Variants in L3MBTL1 observed in about 807,000 individuals in gnomAD.
L3MBTL1 encodes the protein L3MBTL histone methyl-lysine binding protein 1, also known as lethal(3)malignant brain tumor-like protein 1.
In L3MBTL1, 75 loss-of-function variants were observed where a neutral mutation model predicts 105.3. That is an observed-to-expected ratio of 0.71 (90% CI 0.59 to 0.86). The LOEUF is 0.86. Among genes scored for constraint, L3MBTL1 ranks in the 40% least tolerant of loss-of-function variants. L3MBTL1 has a pLI of 0.00. For synonymous variants in L3MBTL1, 452 were observed against 436.2 expected (o/e 1.04, Z -0.45); for missense variants, 1,069 against 1,126.4 (o/e 0.95, Z 0.73).
intron 1 of L3MBTL1, among the ~76,000 whole-genome samples, chr20:43,511,665 C>A (rs1397563598): frequency 6.6e-6 from 1 of 151,728 alleles, no homozygotes; most frequent in African/African-American, 2.4e-5. Context: ...CCTGTAATCC[C>A]ACCTAGTCAG....
intron 7 of L3MBTL1, among the ~76,000 whole-genome samples, chr20:43,526,926 G>A (rs906484941): frequency 2.0e-5 from 3 of 152,178 alleles, no homozygotes; most frequent in Non-Finnish European, 2.9e-5. Flanking sequence ...CAGCCTGGGC[G>A]ACAGAGTGAG....
Position 43,540,249 on chromosome 20 carries a change from C to T in L3MBTL1, c.2272C>T (p.Leu758Phe). 1.2e-6 allele frequency: 2 copies of T among 1,613,864 alleles called. No individual in the cohort carries two copies. The highest frequency in any genetic ancestry group is 1.7e-6 in the Non-Finnish European group (2 of 1,180,038). Residue 758 changes from leucine to phenylalanine, a missense_variant, in exon 20 of 22, where the codon CTC (leucine) becomes TTC (phenylalanine). Leu to Phe is a conservative substitution (Grantham distance 22). Transcript: ENST00000418998. ...AGTGTGCTGGGAGCAGCACTGCAAG[C>T]TCCTGCCAGGAGTAGCGGGCATCTC... Reference protein sequence around the residue: ...LSVCWEQHCKLLPGVAGISAS... With the variant: ...LSVCWEQHCKFLPGVAGISAS...
At chr20:43,517,998 A>T (rs1436892468) in intron 7 of L3MBTL1, among the ~76,000 whole-genome samples, 1 of 152,180 alleles carries the variant, frequency 6.6e-6, no homozygotes, top group Non-Finnish European at 1.5e-5. Flanking sequence ...GCAGTGTCTT[A>T]ACTCCTGTGG....
At chr20:43,515,265 C>T (rs757216190) in intron 5 of L3MBTL1, 27 bp from the exon 6 acceptor site, 1 of 1,611,204 alleles carries the variant, frequency 6.2e-7, no homozygotes, top group Non-Finnish European at 8.5e-7. Context: ...GCGGGTGGTT[C>T]TTTCCCTAAG....
In L3MBTL1 at chr20:43,534,955, A is replaced by G. The variant is rs2019531418; in HGVS notation, c.1825+13A>G. ...CAGCCTCCTCTCGGTGTGTACCCCT[A>G]GGGCACTCTGATCTTTTCCTTTCCC... On this transcript the variant is annotated intron_variant, in intron 16 of 21. Coordinates refer to ENST00000418998, the MANE Select transcript of L3MBTL1 (RefSeq NM_001377303.1). 1.3e-6 allele frequency: 2 copies of G among 1,552,184 alleles called. No individual in the cohort carries two copies. The highest frequency in any genetic ancestry group is 1.7e-6 in the Non-Finnish European group (2 of 1,143,298).
intron 4 of L3MBTL1, 107 bp from the exon 5 acceptor site, chr20:43,514,902 C>T (rs1342523640): frequency 6.8e-7 from 1 of 1,471,322 alleles, no homozygotes; most frequent in Admixed American, 2.1e-5. Context: ...GGAGGCCATC[C>T]GATGCGGAGA....
At chr20:43,530,208 G>A in intron 9 of L3MBTL1, 76 bp from the exon 10 acceptor site, 8 of 1,589,094 alleles carry the variant, frequency 5.0e-6, no homozygotes, top group Non-Finnish European at 6.9e-6. Flanking sequence ...CACCAGACTG[G>A]GCCAGGAGAG....
downstream of L3MBTL1, chr20:43,541,904 T>C (rs1402924481): frequency 3.0e-6 from 3 of 985,354 alleles, no homozygotes; most frequent in African/African-American, 5.2e-5. Context: ...TAGTGCATAG[T>C]TGTCCTTAAG....
intron 16 of L3MBTL1, 43 bp from the exon 17 acceptor site, chr20:43,535,794 C>A (rs914247293): frequency 1.5e-6 from 2 of 1,334,200 alleles, no homozygotes; most frequent in Non-Finnish European, 2.1e-6. Flanking sequence ...ACACTCCCCA[C>A]CCCCAGGACT....
rs112629462 is a variant in L3MBTL1 at position 43,548,272 on chromosome 20, G to T, written c.*27G>T. On this transcript the variant is annotated 3_prime_UTR_variant, in exon 19 of 19. Transcript: ENST00000422861. ...TGGCCCAGGGCTGGGCCCTCCTGCA[G>T]CCCCTGCTTGGCCTCCCTCTCCAGC... 596 of 1,299,512 alleles carry T rather than the reference G, an allele frequency of 4.6e-4. 1 individual carries two copies. The African/African-American group carries it at 8.4e-3, about 18-fold the overall frequency. The allele number at this position is 1,299,512 out of a possible 1,614,324, so 80.5% of individuals were successfully genotyped here. A position where few individuals can be genotyped will look rare whatever the true frequency, so the allele number is the denominator to read the frequency against.
downstream of L3MBTL1, among the ~76,000 whole-genome samples, chr20:43,544,292 C>G (rs143316638): frequency 5.3e-5 from 8 of 152,326 alleles, no homozygotes; most frequent in East Asian, 1.5e-3. Context: ...GTGTGGCTCT[C>G]TCAAGATCTA....
intron 7 of L3MBTL1, among the ~76,000 whole-genome samples, chr20:43,516,526 T>C (rs1600899231): frequency 6.6e-6 from 1 of 152,158 alleles, no homozygotes; most frequent in South Asian, 2.1e-4. Context: ...CCTGCACTGG[T>C]CATTGGTCTA....
At chr20:43,511,405 T>C (rs574290182) in intron 1 of L3MBTL1, among the ~76,000 whole-genome samples, 28 of 152,252 alleles carry the variant, frequency 1.8e-4, no homozygotes, top group African/African-American at 5.8e-4. Flanking sequence ...TTGATTATAA[T>C]GAAGGATGAG....
At chr20:43,545,008 G>A (rs1402150819), downstream of L3MBTL1, among the ~76,000 whole-genome samples, 1 of 151,968 alleles carries the variant, frequency 6.6e-6, no homozygotes, top group African/African-American at 2.4e-5. Flanking sequence ...ACTCCTGTAA[G>A]AATCCATGCT....
rs566569970 is a variant in L3MBTL1, at chr20:43,518,775, G to A, written c.862+2598G>A. Reference sequence around the variant, plus strand: ...TGTAATCCTAGCACTTTGGGAGGCCGAGGCAGGCGGATCATGAGGTAGGAG... The same window carrying A: ...TGTAATCCTAGCACTTTGGGAGGCCAAGGCAGGCGGATCATGAGGTAGGAG... On this transcript the variant is annotated intron_variant, in intron 7 of 21. Coordinates refer to ENST00000418998, the MANE Select transcript of L3MBTL1 (RefSeq NM_001377303.1). 3.4e-5 allele frequency among the ~76,000 whole-genome samples: 5 copies of A among 147,740 alleles called. No homozygotes were observed. In the South Asian group the frequency reaches 6.4e-4, roughly 19 times the overall value.
exon 19 of L3MBTL1, chr20:43,548,224 C>T (rs201002844): frequency 6.2e-5 from 81 of 1,304,136 alleles, no homozygotes; most frequent in Middle Eastern, 2.1e-4. Context: ...TGTTCAAAAA[C>T]GCTGATGACA....
At chr20:43,543,969 C>T (rs2145502906), downstream of L3MBTL1, among the ~76,000 whole-genome samples, 1 of 152,314 alleles carries the variant, frequency 6.6e-6, no homozygotes, top group South Asian at 2.1e-4. Context: ...GAACAGGTCC[C>T]TGCTCTTAAG....
intron 19 of L3MBTL1, chr20:43,539,197 A>G (rs1486878651): frequency 6.6e-6 from 1 of 152,456 alleles, no homozygotes; most frequent in Non-Finnish European, 1.5e-5. Flanking sequence ...GTCTTTGACA[A>G]GAGGGCACTT....
intron 7 of L3MBTL1, among the ~76,000 whole-genome samples, chr20:43,527,865 G>A (rs181194591): frequency 2.6e-5 from 4 of 151,360 alleles, no homozygotes; most frequent in African/African-American, 7.3e-5. Flanking sequence ...GACTACAGGC[G>A]TGTGCCACCA....
Sources: gnomAD v4.1 joint callset for allele counts (sites outside exome capture counted in the v4.1 genomes callset) on GRCh38, gnomAD v4.1.1 for gene constraint, MANE v1.5 for transcripts, NCBI Gene and HGNC (gene_info 2026-07-23, HGNC 2026-07-21) for gene names.